The following UNC5C variants were observed in gnomAD, a reference collection of about 807,000 sequenced individuals.
UNC5C encodes netrin receptor UNC5C.
UNC5C carries 47 observed loss-of-function variants against 99.8 expected under a neutral mutation model. The observed-to-expected ratio is 0.47, with a 90% CI of 0.37 to 0.60. The LOEUF (loss-of-function observed/expected upper bound fraction) is 0.60. UNC5C is among the 20% of genes least tolerant of loss of function. UNC5C has a pLI of 0.00. For synonymous variants in UNC5C, 487 were observed against 452.2 expected (o/e 1.08, Z -0.98); for missense variants, 1,062 against 1,165.9 (o/e 0.91, Z 1.30).
At chr4:95,534,313 T>C (rs374660892) in intron 1 of UNC5C, among the ~76,000 whole-genome samples, 36 of 152,300 alleles carry the variant, frequency 2.4e-4, no homozygotes, top group African/African-American at 7.5e-4. Flanking sequence ...AGATCCACCA[T>C]TGCATTAATT....
rs371922318 is a variant in UNC5C, at chr4:95,238,031, C to T, written c.1108+4398G>A. Among the ~76,000 whole-genome samples, 810 of 144,044 alleles carry T rather than the reference C, an allele frequency of 5.6e-3. 12 individuals carry two copies. Among genetic ancestry groups the T allele is most frequent in the African/African-American group, 0.018 (697 of 39,016 alleles). The allele number at this position is 144,044 out of a possible 152,430, so 94.5% of individuals were successfully genotyped here. A position where few individuals can be genotyped will look rare whatever the true frequency, so the allele number is the denominator to read the frequency against. On this transcript the variant is annotated intron_variant, in intron 7 of 15. Transcript: ENST00000453304. The stretch of plus-strand genomic sequence containing the variant: ...CCAGCCTGGCGACAGAGCAAGACTC[C>T]GTCTCTAAATAAATACATACATACA...
chr4:95,257,455 GA>G (rs1014965259), intron 4 of UNC5C, among the ~76,000 whole-genome samples: 79 of 148,290 alleles, frequency 5.3e-4, no homozygotes, highest in Admixed American at 2.5e-3. Context: ...GAGACAGGGA[GA>G]AAAAAAAAAT....
intron 1 of UNC5C, among the ~76,000 whole-genome samples, chr4:95,370,107 G>A (rs1744700596): frequency 1.3e-5 from 2 of 152,116 alleles, no homozygotes; most frequent in Admixed American, 6.5e-5. Flanking sequence ...AGCCATATGT[G>A]GCTATTGAGC....
Position 95,180,622 on chromosome 4 carries a change from A to G in UNC5C, c.2451+2275T>C, listed in dbSNP as rs575742819. ...CTGGCCCTTGAAATAATCAGAGTACATGTCACGCACAGCCTGGTCTCTGGG... is the reference window on the plus strand; with the variant it reads ...CTGGCCCTTGAAATAATCAGAGTACGTGTCACGCACAGCCTGGTCTCTGGG... On this transcript the variant is annotated intron_variant, in intron 14 of 15. Coordinates refer to ENST00000453304, the MANE Select transcript of UNC5C (RefSeq NM_003728.4). Among the ~76,000 whole-genome samples the G allele has an allele frequency of 3.9e-3, 588 of 152,316 alleles. 1 individual carries two copies. Among genetic ancestry groups the G allele is most frequent in the Non-Finnish European group, 5.2e-3 (353 of 68,032 alleles).
chr4:95,452,983 A>G (rs1339255027), intron 1 of UNC5C, among the ~76,000 whole-genome samples: 1 of 152,216 alleles, frequency 6.6e-6, no homozygotes, highest in African/African-American at 2.4e-5. Flanking sequence ...TGTGGTTGAC[A>G]CTGGGTTTTC....
At chr4:95,237,129 TTTAA>T (rs1280937382) in intron 7 of UNC5C, among the ~76,000 whole-genome samples, 1 of 152,230 alleles carries the variant, frequency 6.6e-6, no homozygotes, top group East Asian at 1.9e-4. Context: ...ACATTTTATT[TTTAA>T]TTGTTGTATT....
chr4:95,419,874 A>G (rs1160849326), intron 1 of UNC5C, among the ~76,000 whole-genome samples: 4 of 152,078 alleles, frequency 2.6e-5, no homozygotes, highest in Non-Finnish European at 5.9e-5. Flanking sequence ...CTAGAACTTA[A>G]CTCCTAAAAT....
intron 1 of UNC5C, among the ~76,000 whole-genome samples, chr4:95,376,825 A>G (rs1744910004): frequency 6.6e-6 from 1 of 152,222 alleles, no homozygotes; most frequent in Non-Finnish European, 1.5e-5. Context: ...ACATTTGACC[A>G]CTTAATATGC....
At chr4:95,475,080 A>T (rs1262878363) in intron 1 of UNC5C, among the ~76,000 whole-genome samples, 2 of 152,154 alleles carry the variant, frequency 1.3e-5, no homozygotes, top group African/African-American at 4.8e-5. Context: ...TCTAACAAGC[A>T]GCTCCATCTA....
chr4:95,453,233 C>T (rs138339334), intron 1 of UNC5C, among the ~76,000 whole-genome samples: 23 of 152,080 alleles, frequency 1.5e-4, no homozygotes, highest in Admixed American at 4.6e-4. Context: ...GGAAAGAAAG[C>T]CTAGTGAAAG....
chr4:95,486,444 A>G (rs1721330199), intron 1 of UNC5C, among the ~76,000 whole-genome samples: 1 of 126,634 alleles, frequency 7.9e-6, no homozygotes, highest in South Asian at 2.6e-4. Flanking sequence ...TGACATTTCT[A>G]CTGTCACTGA....
intron 2 of UNC5C, among the ~76,000 whole-genome samples, chr4:95,331,106 A>C (rs1299979665): frequency 1.3e-5 from 2 of 152,066 alleles, no homozygotes; most frequent in African/African-American, 4.8e-5. Context: ...CACTTAAGAT[A>C]ATGGCTTCCA....
At chr4:95,217,627 A>G (rs1738297774) in intron 9 of UNC5C, among the ~76,000 whole-genome samples, 1 of 152,244 alleles carries the variant, frequency 6.6e-6, no homozygotes, top group Non-Finnish European at 1.5e-5. Flanking sequence ...AATTTAAAAC[A>G]TGCTAGCTCA....
At chr4:95,177,407 G>A (rs1409207871) in intron 14 of UNC5C, among the ~76,000 whole-genome samples, 3 of 101,642 alleles carry the variant, frequency 3.0e-5, no homozygotes, top group Non-Finnish European at 2.2e-5. Context: ...ATCACCCAGA[G>A]CGCCCCCCAT....
At chr4:95,242,911 C>T (rs755519339) in intron 6 of UNC5C, among the ~76,000 whole-genome samples, 9 of 152,064 alleles carry the variant, frequency 5.9e-5, no homozygotes, top group Non-Finnish European at 1.2e-4. Flanking sequence ...AATGGGGGAG[C>T]TTCTGGGTTT....
intron 1 of UNC5C, among the ~76,000 whole-genome samples, chr4:95,495,770 C>T (rs1721614015): frequency 6.6e-6 from 1 of 151,654 alleles, no homozygotes; most frequent in Admixed American, 6.6e-5. Context: ...CTATCATCCT[C>T]ATTTTAAAAT....
chr4:95,239,695 C>T (rs1739261027), intron 7 of UNC5C, among the ~76,000 whole-genome samples: 1 of 152,126 alleles, frequency 6.6e-6, no homozygotes, highest in African/African-American at 2.4e-5. Flanking sequence ...ACATGTATGT[C>T]TCTACTAAGT....
At chr4:95,449,231 G>A (rs1453434489) in intron 1 of UNC5C, among the ~76,000 whole-genome samples, 7 of 152,138 alleles carry the variant, frequency 4.6e-5, no homozygotes, top group African/African-American at 7.2e-5. Flanking sequence ...TCAACTTGAT[G>A]AAGTTTTTAT....
chr4:95,192,285 CTT>C lies in UNC5C; in HGVS notation c.2137-7091_2137-7090del, dbSNP rs1737163424. On this transcript the variant is annotated intron_variant, in intron 12 of 15. Transcript: ENST00000453304. ...TCCTGCTCACCTCTTCTGCCCACCT[CTT>C]CTCACCTCCTCCCCTTCTCACCTCC... Among the ~76,000 whole-genome samples, 15 of 140,478 alleles carry C rather than the reference CTT, an allele frequency of 1.1e-4. No homozygotes were observed. The South Asian group carries it at 1.5e-3, about 14-fold the overall frequency. The allele number at this position is 140,478 out of a possible 152,430, so 92.2% of individuals were successfully genotyped here.
Sources: allele counts gnomAD v4.1 joint callset (sites outside exome capture counted in the v4.1 genomes callset), GRCh38; gene constraint gnomAD v4.1.1; transcripts MANE v1.5; gene names NCBI Gene and HGNC (gene_info 2026-07-23, HGNC 2026-07-21).